SSC4D: variants seen among roughly 807,000 people sequenced by gnomAD.
SSC4D encodes the protein scavenger receptor cysteine-rich domain-containing group B protein.
SSC4D carries 57 observed loss-of-function variants against 63.4 expected under a neutral mutation model. The ratio of observed to expected loss-of-function variants is 0.90; its 90% confidence interval spans 0.73 to 1.12. The LOEUF (loss-of-function observed/expected upper bound fraction) is 1.12, where lower values mean the gene tolerates loss of function less well. Ranked by LOEUF, SSC4D falls within the 50% of genes most tolerant of loss-of-function variation. The pLI, the probability that SSC4D is intolerant of heterozygous loss-of-function variation, is 0.00. For missense variants in SSC4D, 791 were observed against 806.4 expected (o/e 0.98, Z 0.23); for synonymous variants, 352 against 345.4 (o/e 1.02, Z -0.21).
intron 6 of SSC4D, among the ~76,000 whole-genome samples, chr7:76,396,475 A>G (rs796137653): frequency 1.3e-5 from 2 of 152,338 alleles, no homozygotes; most frequent in African/African-American, 4.8e-5. Context: ...CACACTGCCT[A>G]TGGGGTAGCC....
At chr7:76,402,182 AT>A (rs57389874) in intron 2 of SSC4D, among the ~76,000 whole-genome samples, 7,066 of 127,150 alleles carry the variant, frequency 0.056, 472 homozygotes, top group African/African-American at 0.18. Flanking sequence ...CTGCCCAGCT[AT>A]TTTTTTTTTT....
chr7:76,393,361 G>A (rs927119755), intron 9 of SSC4D, 44 bp downstream of exon 9: 5 of 1,314,256 alleles, frequency 3.8e-6, no homozygotes, highest in Admixed American at 3.9e-5. Context: ...CCACGCCGCA[G>A]TGCGCGGCCC....
chr7:76,393,371 C>G (rs1382991662), intron 9 of SSC4D, 34 bp downstream of exon 9: 1 of 1,337,486 alleles, frequency 7.5e-7, no homozygotes, highest in African/African-American at 1.5e-5. Context: ...GTGCGCGGCC[C>G]CGCTGTCAGC....
chr7:76,395,157 C>T lies in SSC4D; in HGVS notation c.946+96G>A. The T allele has an allele frequency of 2.8e-6, 4 of 1,448,362 alleles. No homozygotes were observed. The East Asian group carries it at 9.1e-5, about 33-fold the overall frequency. 89.7% of individuals were successfully genotyped at this position (1,448,362 alleles called of 1,614,324 possible). On this transcript the variant is annotated intron_variant, in intron 7 of 10. Transcript: ENST00000275560. The stretch of plus-strand genomic sequence containing the variant: ...CTGGCCAAAGCCCTGGCCTGTTAGC[C>T]AGGGCCCCCGCCTGTGAATCCAGAA...
chr7:76,400,006 A>T (rs990054150), intron 4 of SSC4D, among the ~76,000 whole-genome samples: 17 of 152,150 alleles, frequency 1.1e-4, no homozygotes, highest in Admixed American at 9.8e-4. Context: ...TCTCTAAAAA[A>T]ATTTTTTTTA....
rs184607003 is a variant in SSC4D, at chr7:76,401,275, G to A, written c.134-232C>T. Among the ~76,000 whole-genome samples the A allele has an allele frequency of 2.4e-3, 365 of 152,266 alleles. 2 individuals are homozygous for A. Among genetic ancestry groups the A allele is most frequent in the Non-Finnish European group, 4.0e-3 (275 of 68,030 alleles). ...GGCCAACCTAGAGAGATCTGCGGGT[G>A]TAAATCTGTAGATCTGCACATCTCA... On this transcript the variant is annotated intron_variant, in intron 2 of 10. Transcript: ENST00000275560.
chr7:76,394,515 A>G (rs564194809), intron 7 of SSC4D, among the ~76,000 whole-genome samples: 4 of 151,618 alleles, frequency 2.6e-5, no homozygotes, highest in African/African-American at 9.7e-5. Flanking sequence ...GGCTTAAGCA[A>G]TTCTCCTGCC....
In SSC4D at chr7:76,394,780, AAT is replaced by A. The variant is rs1264913551; in HGVS notation, c.946+471_946+472del. Among the ~76,000 whole-genome samples, 58 of 143,634 alleles carry A rather than the reference AAT, an allele frequency of 4.0e-4. 1 individual carries two copies. In the Middle Eastern group the frequency reaches 0.018, roughly 45 times the overall value. The allele number at this position is 143,634 out of a possible 152,430, so 94.2% of individuals were successfully genotyped here. ...ATATATATATATATAAAATATGTAT[AAT>A]ATATATGATATATATAAATATATAA... On this transcript the variant is annotated intron_variant, in intron 7 of 10. Transcript: ENST00000275560.
chr7:76,393,792 C>A (rs1245692820), intron 8 of SSC4D, 38 bp downstream of exon 8: 1 of 1,509,248 alleles, frequency 6.6e-7, no homozygotes, highest in Non-Finnish European at 8.8e-7. Context: ...CAGCCCTACC[C>A]TTCCCCATCC....
At chr7:76,390,436 G>A in intron 10 of SSC4D, 61 bp from the exon 11 acceptor site, 1 of 1,475,668 alleles carries the variant, frequency 6.8e-7, no homozygotes, top group Non-Finnish European at 9.0e-7. Flanking sequence ...TCCCAAGCTA[G>A]GTCAGGTTGG....
In SSC4D at chr7:76,400,662, C is replaced by T. The variant is rs570102705; in HGVS notation, c.170-71G>A. The T allele has an allele frequency of 8.0e-6, 11 of 1,370,122 alleles. No individual in the cohort carries two copies. The South Asian group carries it at 1.4e-4, about 18-fold the overall frequency. 84.9% of individuals were successfully genotyped at this position (1,370,122 alleles called of 1,614,324 possible). On this transcript the variant is annotated intron_variant, in intron 3 of 10. Transcript: ENST00000275560. ...CTCCAGCATGCCCACTCCAGGATGTCCTTTTATTTTATTATTATTTTTTTT... is the reference window on the plus strand; with the variant it reads ...CTCCAGCATGCCCACTCCAGGATGTTCTTTTATTTTATTATTATTTTTTTT...
At position 76,400,499 on chromosome 7, in the gene SSC4D, C is replaced by T. The variant is rs1316333344; in HGVS notation, c.262G>A (p.Asp88Asn). ...SWGSVCDDDW[D>N]VVDANVVCRQ... is the part of the protein sequence containing the mutation. ...CACACTACGTTGGCGTCCACCACGT[C>T]CCAGTCGTCATCACAGACGCTGCCC... The change falls in exon 4 of 11, where the codon GAC becomes AAC. Residue 88 changes from aspartate to asparagine, a missense_variant. Asp to Asn is a conservative substitution (Grantham distance 23). Transcript: ENST00000275560. The T allele has an allele frequency of 8.7e-6, 14 of 1,600,962 alleles. No individual in the cohort carries two copies. The highest frequency in any genetic ancestry group is 1.2e-5 in the Non-Finnish European group (14 of 1,173,324).
Position 76,395,887 on chromosome 7 carries a change from G to A in SSC4D, c.869-557C>T, listed in dbSNP as rs138018412. On this transcript the variant is annotated intron_variant, in intron 6 of 10. Transcript: ENST00000275560. ...TTGTATTTTTTTTAGTAGAGATGGG[G>A]TTTCACCATGCTGGCTAGGCTGGTC... Among the ~76,000 whole-genome samples the A allele has an allele frequency of 8.1e-3, 1,230 of 152,326 alleles. 18 individuals are homozygous for A. Among genetic ancestry groups the A allele is most frequent in the African/African-American group, 0.028 (1,153 of 41,568 alleles).
At chr7:76,393,359 C>A (rs1804543126) in intron 9 of SSC4D, 46 bp downstream of exon 9, 2 of 1,310,104 alleles carry the variant, frequency 1.5e-6, no homozygotes, top group Non-Finnish European at 1.9e-6. Flanking sequence ...TCCCACGCCG[C>A]AGTGCGCGGC....
rs946197191 is a variant in SSC4D, at chr7:76,398,724, T to A, written c.549A>T (p.Gly183=). The A allele has an allele frequency of 2.5e-6, 4 of 1,613,178 alleles. No individual in the cohort carries two copies. Among genetic ancestry groups the A allele is most frequent in the Non-Finnish European group, 3.4e-6 (4 of 1,179,324 alleles). Residue 183 remains glycine, a synonymous_variant, in exon 5 of 11, where the codon GGA becomes GGT. Coordinates refer to ENST00000275560, the MANE Select transcript of SSC4D (RefSeq NM_080744.2). ...GCCCACATTATGCTTACGTACTTTT[T>A]CCATTCGGCAGTGTCGTAGGAGGTG... ...SRAPPTTLPN[G]KSEGSVRLVG... is the part of the protein sequence containing the mutation.
At position 76,390,273 on chromosome 7, in the gene SSC4D, C is replaced by T. The variant is rs10227141; in HGVS notation, c.1514G>A (p.Arg505Gln). The T allele has an allele frequency of 0.025, 40,756 of 1,613,854 alleles. 1,862 individuals carry two copies. The highest frequency in any genetic ancestry group is 0.14 in the East Asian group (6,435 of 44,848). ...CTGGCGGCACAGGACACCGGCTGCC[C>T]GCAGGTCCCAAGCATCATCACAGAC... is the stretch of plus-strand genomic sequence containing the variant. ...GTVCDDAWDL[R>Q]AAGVLCRQLG... Residue 505 changes from arginine (R) to glutamine (Q), a missense_variant, in exon 11 of 11, where the codon CGG (arginine) becomes CAG (glutamine). Coordinates refer to ENST00000275560, the MANE Select transcript of SSC4D (RefSeq NM_080744.2).
At chr7:76,405,297 A>T (rs865993756) in intron 1 of SSC4D, among the ~76,000 whole-genome samples, 10 of 44,658 alleles carry the variant, frequency 2.2e-4, no homozygotes, top group African/African-American at 1.1e-3. Flanking sequence ...ATATATATAT[A>T]TATATATATA....
At position 76,404,489 on chromosome 7, in the gene SSC4D, A is replaced by C; in HGVS notation, c.-50T>G. The C allele has an allele frequency of 6.2e-7, 1 of 1,613,242 alleles. No individual in the cohort carries two copies. The highest frequency in any genetic ancestry group is 8.5e-7 in the Non-Finnish European group (1 of 1,179,920). The stretch of plus-strand genomic sequence containing the variant: ...TGCTCCCATCAAGGCGCCAGGGAGA[A>C]GTCACAGTTGGAACATCTGAAATTA... On this transcript the variant is annotated 5_prime_UTR_variant, in exon 2 of 11. Coordinates refer to ENST00000275560, the MANE Select transcript of SSC4D (RefSeq NM_080744.2).
intron 6 of SSC4D, 149 bp from the exon 7 acceptor site, chr7:76,395,479 AAGGAGGC>A: frequency 4.2e-6 from 3 of 721,752 alleles, no homozygotes; most frequent in Non-Finnish European, 7.0e-6. Context: ...GCGGGGTTCC[AAGGAGGC>A]CTGTCCCCAC....
Sources: allele counts gnomAD v4.1 joint callset (sites outside exome capture counted in the v4.1 genomes callset), GRCh38; gene constraint gnomAD v4.1.1; transcripts MANE v1.5; gene names NCBI Gene and HGNC (gene_info 2026-07-23, HGNC 2026-07-21).